The following ESRRB variants were observed in gnomAD, a reference collection of about 807,000 sequenced individuals.
ESRRB encodes the protein steroid hormone receptor ERR2.
ESRRB carries 16 observed loss-of-function variants against 46.0 expected under a neutral mutation model. The ratio of observed to expected loss-of-function variants is 0.35; its 90% confidence interval spans 0.24 to 0.53. The LOEUF (loss-of-function observed/expected upper bound fraction) is 0.53, where lower values mean the gene tolerates loss of function less well. Ranked by LOEUF, ESRRB falls within the 20% of genes least tolerant of loss-of-function variation. ESRRB has a pLI of 0.93. For missense variants in ESRRB, 488 were observed against 607.4 expected (o/e 0.80, Z 2.07); for synonymous variants, 246 against 259.6 (o/e 0.95, Z 0.50).
intron 1 of ESRRB, among the ~76,000 whole-genome samples, chr14:76,329,843 G>T (rs1883981190): frequency 6.6e-6 from 1 of 152,154 alleles, no homozygotes; most frequent in African/African-American, 2.4e-5. Context: ...CTGTCTTTAC[G>T]AGGGAGCCGA....
chr14:76,421,153 G>A lies in ESRRB; in HGVS notation c.51-18188G>A, dbSNP rs564029195. Among the ~76,000 whole-genome samples, 6 of 152,282 alleles carry A rather than the reference G, an allele frequency of 3.9e-5. No individual in the cohort carries two copies. The East Asian group carries it at 7.7e-4, about 20-fold the overall frequency. ...ATCCAGCCGGAGGAGGACAGAGCCC[G>A]TTTCTCTTCTGCCCACCTTTAAAGG... On this transcript the variant is annotated intron_variant, in intron 1 of 6. Transcript: ENST00000644823.
upstream of ESRRB, among the ~76,000 whole-genome samples, chr14:76,371,115 T>G (rs76851133): frequency 0.014 from 2,087 of 152,322 alleles, 49 homozygotes; most frequent in African/African-American, 0.048. Flanking sequence ...GACATGAGCC[T>G]TCTTGCCCCA....
At chr14:76,414,971 T>C (rs1405173341) in intron 1 of ESRRB, among the ~76,000 whole-genome samples, 1 of 152,180 alleles carries the variant, frequency 6.6e-6, no homozygotes, top group African/African-American at 2.4e-5. Context: ...TTAAATTCTA[T>C]GAAAACTCTA....
At chr14:76,438,368 A>G (rs1887762312) in intron 1 of ESRRB, among the ~76,000 whole-genome samples, 2 of 152,270 alleles carry the variant, frequency 1.3e-5, no homozygotes, top group Non-Finnish European at 2.9e-5. Context: ...AGACTGTTAC[A>G]TTGTAGCCAT....
intron 2 of ESRRB, among the ~76,000 whole-genome samples, chr14:76,461,663 C>A (rs1003526058): frequency 6.6e-6 from 1 of 152,076 alleles, no homozygotes; most frequent in Non-Finnish European, 1.5e-5. Context: ...CACATGCCAC[C>A]ACACCTGGCT....
At chr14:76,435,735 GC>G (rs1887647048) in intron 1 of ESRRB, among the ~76,000 whole-genome samples, 1 of 152,220 alleles carries the variant, frequency 6.6e-6, no homozygotes, top group Non-Finnish European at 1.5e-5. Flanking sequence ...GGAGGTTGAG[GC>G]AGGAGAATCA....
intron 1 of ESRRB, among the ~76,000 whole-genome samples, chr14:76,436,559 G>A (rs1887682199): frequency 1.3e-5 from 2 of 152,218 alleles, no homozygotes; most frequent in African/African-American, 4.8e-5. Context: ...AGGAAAGCAG[G>A]AGGGGATTAA....
chr14:76,334,704 G>T (rs797007806), intron 1 of ESRRB, among the ~76,000 whole-genome samples: 16 of 152,298 alleles, frequency 1.1e-4, no homozygotes, highest in African/African-American at 3.8e-4. Context: ...CAGAGAGTTT[G>T]TAGCTGTGGC....
chr14:76,394,716 T>C (rs1385013890), intron 1 of ESRRB, among the ~76,000 whole-genome samples: 4 of 152,210 alleles, frequency 2.6e-5, no homozygotes, highest in Non-Finnish European at 4.4e-5. Context: ...TCAGCTGCGT[T>C]GAGGGCCTCT....
upstream of ESRRB, among the ~76,000 whole-genome samples, chr14:76,369,392 G>T (rs917124269): frequency 6.6e-5 from 10 of 150,862 alleles, no homozygotes; most frequent in Middle Eastern, 7.0e-3. Flanking sequence ...CTCCTGCTAA[G>T]CCTCCCGAGT....
intron 1 of ESRRB, among the ~76,000 whole-genome samples, chr14:76,334,223 C>T (rs61979365): frequency 0.058 from 8,756 of 152,124 alleles, 364 homozygotes; most frequent in Middle Eastern, 0.16. Flanking sequence ...GCGAGGGGGA[C>T]GGAGGAGGCC....
At chr14:76,321,827 C>T (rs1347908519) in intron 1 of ESRRB, among the ~76,000 whole-genome samples, 1 of 151,222 alleles carries the variant, frequency 6.6e-6, no homozygotes, top group African/African-American at 2.4e-5. Flanking sequence ...GCGGAGCTTG[C>T]AGTGAGCCGA....
In ESRRB at chr14:76,356,321, C is replaced by T. The variant is rs141880177; in HGVS notation, c.2+45405C>T. 2.8e-4 allele frequency among the ~76,000 whole-genome samples: 42 copies of T among 152,314 alleles called. 1 individual carries two copies. The highest frequency in any genetic ancestry group is 8.9e-4 in the African/African-American group (37 of 41,576). The stretch of plus-strand genomic sequence containing the variant: ...GGGAGGAGCAGGTTTATGGGATGTG[C>T]TTGTCTAAGTGTTTTCTCCTATGAA... On this transcript the variant is annotated intron_variant, in intron 1 of 6. Coordinates refer to the ESRRB transcript ENST00000512784.
intron 1 of ESRRB, among the ~76,000 whole-genome samples, chr14:76,337,854 T>G (rs1884146006): frequency 6.6e-6 from 1 of 152,148 alleles, no homozygotes; most frequent in African/African-American, 2.4e-5. Flanking sequence ...CCTGACACGG[T>G]GTAGGGTTTT....
At chr14:76,366,859 G>T (rs1261546272), upstream of ESRRB, among the ~76,000 whole-genome samples, 3 of 152,076 alleles carry the variant, frequency 2.0e-5, no homozygotes, top group African/African-American at 7.2e-5. Flanking sequence ...GACCTGTGTG[G>T]GGCTCTGCAA....
chr14:76,461,999 T>A (rs2139989910), intron 2 of ESRRB, among the ~76,000 whole-genome samples: 1 of 152,342 alleles, frequency 6.6e-6, no homozygotes, highest in South Asian at 2.1e-4. Context: ...ATGAAGAAAT[T>A]TCAACTTGGT....
chr14:76,368,754 C>G (rs544734551), upstream of ESRRB, among the ~76,000 whole-genome samples: 1 of 152,234 alleles, frequency 6.6e-6, no homozygotes, highest in Admixed American at 6.5e-5. Flanking sequence ...CTATGAAGCT[C>G]GAGCCTTCAT....
chr14:76,425,869 G>GC (rs1225102189), intron 1 of ESRRB, among the ~76,000 whole-genome samples: 3 of 152,014 alleles, frequency 2.0e-5, no homozygotes, highest in African/African-American at 4.8e-5. Context: ...GATTACAGGT[G>GC]CCCACCACCA....
chr14:76,352,871 C>A (rs1469239402), intron 1 of ESRRB, among the ~76,000 whole-genome samples: 3 of 152,224 alleles, frequency 2.0e-5, no homozygotes, highest in Non-Finnish European at 4.4e-5. Flanking sequence ...CGCACACAGG[C>A]GAGCACCGTC....
Sources: allele counts gnomAD v4.1 joint callset (sites outside exome capture counted in the v4.1 genomes callset), GRCh38; gene constraint gnomAD v4.1.1; transcripts MANE v1.5; gene names NCBI Gene and HGNC (gene_info 2026-07-23, HGNC 2026-07-21).